Variants in ASTN2 observed in about 807,000 individuals in gnomAD.
The protein encoded by ASTN2 is astrotactin-2.
In ASTN2, 54 loss-of-function variants were observed where a neutral mutation model predicts 139.8. That is an observed-to-expected ratio of 0.39 (90% CI 0.31 to 0.48). The LOEUF is 0.48. Among genes scored for constraint, ASTN2 ranks in the 20% least tolerant of loss-of-function variants. The pLI, the probability that ASTN2 is intolerant of heterozygous loss-of-function variation, is 0.95. For missense variants in ASTN2, 1,565 were observed against 1,725.1 expected (o/e 0.91, Z 1.64); for synonymous variants, 756 against 719.5 (o/e 1.05, Z -0.81).
At chr9:117,006,013 A>T (rs10983456) in intron 7 of ASTN2, among the ~76,000 whole-genome samples, 22,499 of 152,094 alleles carry the variant, frequency 0.15, 2,132 homozygotes, top group African/African-American at 0.26. Flanking sequence ...ACAGGTTAGA[A>T]AAACCACCAA....
chr9:116,522,146 A>G (rs2119239497), intron 19 of ASTN2, among the ~76,000 whole-genome samples: 1 of 152,332 alleles, frequency 6.6e-6, no homozygotes, highest in East Asian at 1.9e-4. Flanking sequence ...TGTTTGATCC[A>G]GTAATCCCAC....
chr9:117,237,544 A>G (rs1279417099), intron 2 of ASTN2, among the ~76,000 whole-genome samples: 3 of 152,094 alleles, frequency 2.0e-5, no homozygotes, highest in African/African-American at 7.2e-5. Flanking sequence ...CAATGGTGTG[A>G]TCTCAGCTCA....
intron 1 of ASTN2, among the ~76,000 whole-genome samples, chr9:117,295,487 C>T (rs1386170947): frequency 2.0e-5 from 3 of 152,068 alleles, no homozygotes; most frequent in African/African-American, 7.3e-5. Flanking sequence ...GTGCTTGGCA[C>T]ATAATACATG....
chr9:116,525,322 G>T (rs1851045105), intron 19 of ASTN2, among the ~76,000 whole-genome samples: 1 of 152,208 alleles, frequency 6.6e-6, no homozygotes, highest in South Asian at 2.1e-4. Context: ...GAACACATGT[G>T]GACAGTATGT....
intron 3 of ASTN2, among the ~76,000 whole-genome samples, chr9:117,177,221 A>G (rs954134206): frequency 1.3e-5 from 2 of 152,214 alleles, no homozygotes; most frequent in East Asian, 1.9e-4. Flanking sequence ...CAGTACCTGT[A>G]TAGGCCAAGG....
chr9:116,531,454 T>C (rs1851342615), intron 19 of ASTN2, among the ~76,000 whole-genome samples: 2 of 152,218 alleles, frequency 1.3e-5, no homozygotes, highest in African/African-American at 4.8e-5. Flanking sequence ...GCCATGTCGG[T>C]GTGTTGCACC....
intron 10 of ASTN2, among the ~76,000 whole-genome samples, chr9:116,932,129 T>G (rs1834916384): frequency 6.6e-6 from 1 of 152,108 alleles, no homozygotes; most frequent in Admixed American, 6.5e-5. Context: ...TGCTGTGAGT[T>G]TAAAGCAGGG....
intron 4 of ASTN2, among the ~76,000 whole-genome samples, chr9:117,138,536 A>G (rs905306404): frequency 6.6e-6 from 1 of 152,338 alleles, no homozygotes; most frequent in Admixed American, 6.5e-5. Context: ...AGCTTGGATC[A>G]TAGTCTAAGA....
chr9:116,707,502 C>G (rs1429772423), intron 16 of ASTN2, among the ~76,000 whole-genome samples: 1 of 151,858 alleles, frequency 6.6e-6, no homozygotes, highest in Non-Finnish European at 1.5e-5. Flanking sequence ...ATCGAGAGGA[C>G]CTTCCCTCCT....
At chr9:116,471,563 C>T (rs1848813782) in intron 20 of ASTN2, among the ~76,000 whole-genome samples, 1 of 151,666 alleles carries the variant, frequency 6.6e-6, no homozygotes, top group African/African-American at 2.4e-5. Flanking sequence ...TTCTGGCATC[C>T]CGGGGAAAGA....
intron 19 of ASTN2, among the ~76,000 whole-genome samples, chr9:116,503,261 C>T (rs1347851477): frequency 6.6e-6 from 1 of 151,802 alleles, no homozygotes; most frequent in Non-Finnish European, 1.5e-5. Context: ...CTTGAGTGAC[C>T]AGGGAAGCTT....
rs1030120382 is a variant in ASTN2, at chr9:116,993,876, A to ATATATATATATTTTTT, written c.1591+14215_1591+14216insAAAAAATATATATATA. ...ATGATATATATATATATATATATAT[A>ATATATATATATTTTTT]TTTTAACTATATTACTATATATATT... On this transcript the variant is annotated intron_variant, in intron 7 of 22. Transcript: ENST00000313400. Among the ~76,000 whole-genome samples the ATATATATATATTTTTT allele has an allele frequency of 7.0e-3, 994 of 141,924 alleles. 2 individuals are homozygous for ATATATATATATTTTTT. Among genetic ancestry groups the ATATATATATATTTTTT allele is most frequent in the Non-Finnish European group, 0.012 (791 of 65,856 alleles). 93.1% of individuals were successfully genotyped at this position (141,924 alleles called of 152,430 possible).
At chr9:117,002,442 T>C (rs919486770) in intron 7 of ASTN2, among the ~76,000 whole-genome samples, 3 of 152,258 alleles carry the variant, frequency 2.0e-5, no homozygotes, top group Admixed American at 6.5e-5. Context: ...ATTGTGAGTA[T>C]GAGCAGAGTA....
intron 19 of ASTN2, chr9:116,585,047 C>T (rs191819060): frequency 1.3e-5 from 2 of 152,162 alleles, no homozygotes; most frequent in African/African-American, 4.8e-5. Flanking sequence ...GAAGAAGCAA[C>T]ACTTGAGTAG....
At chr9:117,183,724 C>A (rs76549525) in intron 3 of ASTN2, among the ~76,000 whole-genome samples, 2,627 of 152,290 alleles carry the variant, frequency 0.017, 48 homozygotes, top group South Asian at 0.095. Context: ...GCTTAGATAC[C>A]TTGGTTGAAG....
chr9:116,814,932 G>A (rs1418940327), intron 12 of ASTN2, among the ~76,000 whole-genome samples: 1 of 152,208 alleles, frequency 6.6e-6, no homozygotes, highest in Non-Finnish European at 1.5e-5. Flanking sequence ...TTTTACAAAT[G>A]TTTAAAAAGA....
chr9:117,370,895 T>C (rs1829973425), intron 1 of ASTN2, among the ~76,000 whole-genome samples: 1 of 152,020 alleles, frequency 6.6e-6, no homozygotes, highest in Non-Finnish European at 1.5e-5. Context: ...TTCTACATTA[T>C]CAAATGCCCC....
At chr9:116,786,183 G>A (rs1830371099) in intron 13 of ASTN2, among the ~76,000 whole-genome samples, 1 of 152,096 alleles carries the variant, frequency 6.6e-6, no homozygotes, top group Non-Finnish European at 1.5e-5. Flanking sequence ...TCACTGCCTT[G>A]TTTCAGATCT....
intron 3 of ASTN2, among the ~76,000 whole-genome samples, chr9:117,157,876 G>A (rs994945766): frequency 4.6e-5 from 7 of 151,974 alleles, no homozygotes; most frequent in Admixed American, 2.6e-4. Flanking sequence ...GAGTGACACT[G>A]TCAGAGATAT....
Sources: allele counts gnomAD v4.1 joint callset (sites outside exome capture counted in the v4.1 genomes callset), GRCh38; gene constraint gnomAD v4.1.1; transcripts MANE v1.5; gene names NCBI Gene and HGNC (gene_info 2026-07-23, HGNC 2026-07-21).